CEP152: variants seen among roughly 807,000 people sequenced by gnomAD.
CEP152 encodes the protein centrosomal protein 152.
A neutral mutation model predicts 188.9 loss-of-function variants in CEP152; 132 were observed. That is an observed-to-expected ratio of 0.70 (90% CI 0.61 to 0.81). CEP152 has a LOEUF of 0.81. Among genes scored for constraint, CEP152 ranks in the 30% least tolerant of loss-of-function variants. The probability of loss-of-function intolerance (pLI) is 0.00; values close to 1 mark genes in which losing one functional copy is unlikely to be tolerated. For synonymous variants in CEP152, 649 were observed against 666.6 expected (o/e 0.97, Z 0.41); for missense variants, 1,914 against 1,969.8 (o/e 0.97, Z 0.54).
chr15:48,741,924 C>T (rs1411366676), intron 25 of CEP152, 23 bp downstream of exon 25: 3 of 1,614,032 alleles, frequency 1.9e-6, no homozygotes, highest in South Asian at 1.1e-5. Context: ...AATCTCAGGA[C>T]ACATTGTTCA....
chr15:48,741,647 C>T lies in CEP152; in HGVS notation c.4047G>A (p.Leu1349=). 5 of 1,614,086 alleles carry T rather than the reference C, an allele frequency of 3.1e-6. No individual in the cohort carries two copies. The highest frequency in any genetic ancestry group is 4.2e-6 in the Non-Finnish European group (5 of 1,180,012). ...ASKLATMAKL[L]ETPISSKSQS... is the part of the protein sequence containing the mutation. ...GGGACTTACTAGAAATAGGTGTTTC[C>T]AGTAATTTTGCCATTGTAGCAAGTT... The change falls in exon 26 of 27, where the codon CTG becomes CTA. Residue 1349 remains leucine, a synonymous_variant. Transcript: ENST00000380950.
chr15:48,750,293 T>C (rs1390324310), intron 21 of CEP152, among the ~76,000 whole-genome samples: 1 of 152,106 alleles, frequency 6.6e-6, no homozygotes, highest in African/African-American at 2.4e-5. Flanking sequence ...GACATTGTCA[T>C]TAGTAATACA....
chr15:48,808,244 C>CA (rs1458140736), intron 1 of CEP152, among the ~76,000 whole-genome samples: 1 of 148,154 alleles, frequency 6.7e-6, no homozygotes, highest in Non-Finnish European at 1.5e-5. Context: ...TTCAGAACAA[C>CA]AAAAGAGACT....
At chr15:48,755,566 G>C (rs1286140100) in intron 20 of CEP152, among the ~76,000 whole-genome samples, 1 of 152,066 alleles carries the variant, frequency 6.6e-6, no homozygotes, top group Non-Finnish European at 1.5e-5. Context: ...TACTACATAG[G>C]TATACATGTG....
chr15:48,730,899 T>C (rs1168835657), intron 2 of CEP152, among the ~76,000 whole-genome samples: 1 of 151,666 alleles, frequency 6.6e-6, no homozygotes, highest in African/African-American at 2.4e-5. Flanking sequence ...AAATCCAGAG[T>C]TGCCACAATA....
chr15:48,784,794 T>C (rs1342388371), intron 9 of CEP152, among the ~76,000 whole-genome samples: 2 of 152,282 alleles, frequency 1.3e-5, no homozygotes, highest in African/African-American at 2.4e-5. Context: ...ATAGGGTAAA[T>C]GTGTATGTGC....
intron 24 of CEP152, among the ~76,000 whole-genome samples, chr15:48,743,044 C>T (rs1893111525): frequency 6.6e-6 from 1 of 152,130 alleles, no homozygotes; most frequent in Non-Finnish European, 1.5e-5. Flanking sequence ...TAAAAAATAA[C>T]TAAAACATAA....
intron 20 of CEP152, among the ~76,000 whole-genome samples, chr15:48,754,936 C>G (rs1239270143): frequency 6.6e-6 from 1 of 152,042 alleles, no homozygotes; most frequent in Non-Finnish European, 1.5e-5. Flanking sequence ...CAATCCTGGC[C>G]TTGAAACTCC....
Position 48,742,059 on chromosome 15 carries a change from C to A in CEP152, c.3877G>T (p.Ala1293Ser), listed in dbSNP as rs770034429. 1.2e-6 allele frequency: 2 copies of A among 1,614,136 alleles called. No individual in the cohort carries two copies. Among genetic ancestry groups the A allele is most frequent in the Non-Finnish European group, 1.7e-6 (2 of 1,180,004 alleles). ...RYIQESKERA[A>S]EMVKAEVLRE... is the part of the protein sequence containing the mutation. ...AGTACCTCTGCTTTTACCATTTCTG[C>A]AGCTCGTTCCTTACTCTCCTGAATA... The change falls in exon 25 of 27, where the codon GCA (alanine) becomes TCA (serine). Residue 1293 changes from alanine (A) to serine (S), a missense_variant. Ala to Ser is a moderately conservative substitution (Grantham distance 99). Coordinates refer to ENST00000380950, the MANE Select transcript of CEP152 (RefSeq NM_001194998.2).
chr15:48,738,172 C>G lies in CEP152; in HGVS notation c.*77G>C. The G allele has an allele frequency of 1.4e-6, 2 of 1,448,334 alleles. No individual in the cohort carries two copies. Among genetic ancestry groups the G allele is most frequent in the South Asian group, 1.4e-5 (1 of 73,186 alleles). 89.7% of individuals were successfully genotyped at this position (1,448,334 alleles called of 1,614,324 possible). A position where few individuals can be genotyped will look rare whatever the true frequency, so the allele number is the denominator to read the frequency against. On this transcript the variant is annotated 3_prime_UTR_variant, in exon 27 of 27. Transcript: ENST00000380950. ...AACATCTCAAAAGAGGCAGGGCTCA[C>G]AATTTTTTTCAGTATGAGGTCTTCC... is the stretch of plus-strand genomic sequence containing the variant.
intron 26 of CEP152, among the ~76,000 whole-genome samples, chr15:48,740,271 T>C (rs1892857087): frequency 6.6e-6 from 1 of 152,208 alleles, no homozygotes; most frequent in Non-Finnish European, 1.5e-5. Context: ...TAATCTTTTA[T>C]TTACCTCTAT....
intron 1 of CEP152, among the ~76,000 whole-genome samples, chr15:48,807,393 C>T (rs1041233785): frequency 6.6e-6 from 1 of 151,996 alleles, no homozygotes. Flanking sequence ...ATTGAAAATA[C>T]TAGCCCAATT....
chr15:48,805,347 T>A (rs1429039356), intron 2 of CEP152, among the ~76,000 whole-genome samples: 1 of 152,154 alleles, frequency 6.6e-6, no homozygotes, highest in Non-Finnish European at 1.5e-5. Flanking sequence ...CTGATGGTAT[T>A]ATTCACAGTT....
chr15:48,797,775 T>C (rs1897402501), intron 3 of CEP152, 45 bp from the exon 4 acceptor site: 1 of 1,599,080 alleles, frequency 6.3e-7, no homozygotes, highest in Non-Finnish European at 8.6e-7. Flanking sequence ...ATCATTTATT[T>C]GTACATAGAT....
In CEP152 at chr15:48,741,673, T is replaced by A. The variant is rs1892983610; in HGVS notation, c.4021A>T (p.Lys1341Ter). 6.2e-7 allele frequency: 1 copy of A among 1,614,152 alleles called. No individual in the cohort carries two copies. Among genetic ancestry groups the A allele is most frequent in the East Asian group, 2.2e-5 (1 of 44,868 alleles). Reference sequence around the variant, plus strand: ...AGTAATTTTGCCATTGTAGCAAGTTTGCTAGCAGCATTCATAATCTTTTTC... The same window carrying A: ...AGTAATTTTGCCATTGTAGCAAGTTAGCTAGCAGCATTCATAATCTTTTTC... Reference protein sequence around the residue: ...AEKKIMNAASKLATMAKLLET... With the variant: ...AEKKIMNAAS The change falls in exon 26 of 27, where the codon AAA becomes TAA. Residue 1341 changes from lysine (K) to a stop codon, truncating the protein, a stop_gained. Coordinates refer to ENST00000380950, the MANE Select transcript of CEP152 (RefSeq NM_001194998.2). LOFTEE classifies it high-confidence loss of function.
chr15:48,749,605 T>A (rs1402451626), intron 21 of CEP152, among the ~76,000 whole-genome samples: 1 of 151,956 alleles, frequency 6.6e-6, no homozygotes, highest in Non-Finnish European at 1.5e-5. Flanking sequence ...CTTGCAGTGC[T>A]CCAGCTGAGA....
chr15:48,743,239 C>A (rs569000319), intron 24 of CEP152, among the ~76,000 whole-genome samples: 1 of 152,176 alleles, frequency 6.6e-6, no homozygotes, highest in African/African-American at 2.4e-5. Context: ...AACATCTACA[C>A]GTGATTCTGA....
At chr15:48,802,950 T>C (rs953396374) in intron 2 of CEP152, among the ~76,000 whole-genome samples, 3 of 152,360 alleles carry the variant, frequency 2.0e-5, no homozygotes, top group South Asian at 4.1e-4. Flanking sequence ...AAACATGCTG[T>C]ATTAGCAACT....
At chr15:48,730,812 T>C (rs915476835) in intron 2 of CEP152, among the ~76,000 whole-genome samples, 3 of 152,114 alleles carry the variant, frequency 2.0e-5, no homozygotes, top group Admixed American at 6.5e-5. Context: ...ATTTTGCAGA[T>C]AAAGTCTAAG....
Sources: gnomAD v4.1 joint callset for allele counts (sites outside exome capture counted in the v4.1 genomes callset) on GRCh38, gnomAD v4.1.1 for gene constraint, MANE v1.5 for transcripts, NCBI Gene and HGNC (gene_info 2026-07-23, HGNC 2026-07-21) for gene names.